GAS7: variants seen among roughly 807,000 people sequenced by gnomAD.
GAS7 encodes the protein growth arrest-specific protein 7.
Under a neutral mutation model 71.1 loss-of-function variants are expected in GAS7, and 28 were observed. The ratio of observed to expected loss-of-function variants is 0.39; its 90% CI spans 0.29 to 0.54. The LOEUF (loss-of-function observed/expected upper bound fraction) is 0.54, where lower values mean the gene tolerates loss of function less well. Ranked by LOEUF, GAS7 falls within the 20% of genes least tolerant of loss-of-function variation. The probability of loss-of-function intolerance (pLI) is 0.62; values close to 1 mark genes in which losing one functional copy is unlikely to be tolerated. For synonymous variants in GAS7, 258 were observed against 245.8 expected, an observed-to-expected ratio of 1.05 and a Z score of -0.46; for missense variants, 436 against 627.8, an observed-to-expected ratio of 0.69 and a Z score of 3.27.
intron 1 of GAS7, among the ~76,000 whole-genome samples, chr17:10,123,800 G>A (rs945710171): frequency 1.3e-5 from 2 of 152,224 alleles, no homozygotes; most frequent in African/African-American, 2.4e-5. Context: ...AAGAGGAGGG[G>A]CGCAGCAGAG....
At position 10,088,220 on chromosome 17, in the gene GAS7, C is replaced by CAATAATAATAATAATAATAAT. The variant is rs58029258; in HGVS notation, c.184-68344_184-68324dup. Among the ~76,000 whole-genome samples, 43 of 137,816 alleles carry CAATAATAATAATAATAATAAT rather than the reference C, an allele frequency of 3.1e-4. No individual in the cohort carries two copies. In the South Asian group the frequency reaches 3.6e-3, roughly 12 times the overall value. 90.4% of individuals were successfully genotyped at this position (137,816 alleles called of 152,430 possible). A position where few individuals can be genotyped will look rare whatever the true frequency, so the allele number is the denominator to read the frequency against. ...GGGGCAACAGAGCGAGACTCTATCTCAATAATAATAATAATAATAATAATA... is the reference window on the plus strand; with the variant it reads ...GGGGCAACAGAGCGAGACTCTATCTCAATAATAATAATAATAATAATAATAATAATAATAATAATAATAATA... On this transcript the variant is annotated intron_variant, in intron 1 of 13. Coordinates refer to ENST00000432992, the MANE Select transcript of GAS7 (RefSeq NM_201433.2).
At chr17:10,011,983 A>C (rs2071791202) in intron 2 of GAS7, among the ~76,000 whole-genome samples, 1 of 152,058 alleles carries the variant, frequency 6.6e-6, no homozygotes, top group Admixed American at 6.6e-5. Context: ...CTCAAAAAAA[A>C]AAAAAACAAA....
intron 2 of GAS7, among the ~76,000 whole-genome samples, chr17:10,009,120 A>C (rs2071653905): frequency 1.3e-5 from 2 of 151,916 alleles, no homozygotes; most frequent in South Asian, 2.1e-4. Flanking sequence ...GGAGATCGAG[A>C]CCATCCCGGC....
intron 1 of GAS7, among the ~76,000 whole-genome samples, chr17:10,046,691 A>G (rs1340611339): frequency 3.4e-5 from 5 of 148,568 alleles, no homozygotes; most frequent in Non-Finnish European, 5.9e-5. Flanking sequence ...AGCCGAGATC[A>G]CGCCACTGCA....
At chr17:10,036,802 A>G (rs2072762622) in intron 1 of GAS7, 1 of 1,068,006 alleles carries the variant, frequency 9.4e-7, no homozygotes, top group African/African-American at 1.6e-5. Flanking sequence ...TCAGCTAAAA[A>G]ACGTTGGCTG....
intron 1 of GAS7, among the ~76,000 whole-genome samples, chr17:10,040,709 C>G (rs2072847531): frequency 6.6e-6 from 1 of 152,096 alleles, no homozygotes. Context: ...GGTGGGGAGT[C>G]CCCCACCGGC....
At chr17:10,146,877 G>A (rs1000438002) in intron 1 of GAS7, among the ~76,000 whole-genome samples, 3 of 151,918 alleles carry the variant, frequency 2.0e-5, no homozygotes, top group Admixed American at 6.6e-5. Flanking sequence ...CCAGCTACTC[G>A]GGAGGCTGAG....
chr17:10,169,343 T>A (rs940581848), intron 1 of GAS7, among the ~76,000 whole-genome samples: 4 of 152,158 alleles, frequency 2.6e-5, no homozygotes, highest in South Asian at 2.1e-4. Context: ...AGACAGTACC[T>A]CCTTCCCTAA....
At chr17:10,126,694 G>A (rs1056361367) in intron 1 of GAS7, among the ~76,000 whole-genome samples, 6 of 152,152 alleles carry the variant, frequency 3.9e-5, no homozygotes, top group Admixed American at 3.3e-4. Context: ...CCCAGAATTC[G>A]GGGAAGCCAC....
chr17:9,936,669 C>G (rs571027588), intron 8 of GAS7, among the ~76,000 whole-genome samples: 1 of 152,158 alleles, frequency 6.6e-6, no homozygotes, highest in Admixed American at 6.5e-5. Context: ...TACAAATTCT[C>G]TCATTTGAAA....
At chr17:10,024,299 A>G (rs1337228920) in intron 1 of GAS7, among the ~76,000 whole-genome samples, 1 of 152,198 alleles carries the variant, frequency 6.6e-6, no homozygotes, top group Non-Finnish European at 1.5e-5. Flanking sequence ...CAGAGGACAC[A>G]GTGTGCATAA....
chr17:10,118,242 T>C (rs2073877411), intron 1 of GAS7, among the ~76,000 whole-genome samples: 1 of 152,158 alleles, frequency 6.6e-6, no homozygotes, highest in African/African-American at 2.4e-5. Flanking sequence ...GCCAGGTATT[T>C]TTCCGCTTCT....
intron 5 of GAS7, among the ~76,000 whole-genome samples, chr17:9,958,725 G>T (rs986627816): frequency 6.6e-6 from 1 of 152,172 alleles, no homozygotes; most frequent in African/African-American, 2.4e-5. Context: ...AGGCAGGCTG[G>T]CCACTCTAGG....
intron 1 of GAS7, among the ~76,000 whole-genome samples, chr17:10,086,539 T>A (rs902722015): frequency 6.6e-6 from 1 of 152,138 alleles, no homozygotes; most frequent in Non-Finnish European, 1.5e-5. Flanking sequence ...GTGACAGAGT[T>A]TGAGTGAAAG....
chr17:10,020,166 C>T, intron 1 of GAS7: 1 of 333,460 alleles, frequency 3.0e-6, no homozygotes, highest in Non-Finnish European at 5.6e-6. Flanking sequence ...GCTAATGGAG[C>T]TAGACTTTCT....
At chr17:10,079,728 C>T (rs1046777429) in intron 1 of GAS7, among the ~76,000 whole-genome samples, 9 of 152,194 alleles carry the variant, frequency 5.9e-5, no homozygotes, top group African/African-American at 1.9e-4. Flanking sequence ...ACCACCTTGG[C>T]CACATGTTCT....
At chr17:10,169,230 C>A (rs2074317260) in intron 1 of GAS7, among the ~76,000 whole-genome samples, 1 of 152,018 alleles carries the variant, frequency 6.6e-6, no homozygotes, top group South Asian at 2.1e-4. Context: ...CATGTCATTG[C>A]ACTCCAGCCT....
intron 1 of GAS7, among the ~76,000 whole-genome samples, chr17:10,183,224 C>G (rs2074429071): frequency 6.6e-6 from 1 of 152,010 alleles, no homozygotes; most frequent in Non-Finnish European, 1.5e-5. Context: ...GAATCTCAGG[C>G]CCCACCCCAG....
chr17:10,011,661 T>C (rs929117333), intron 2 of GAS7, among the ~76,000 whole-genome samples: 4 of 152,154 alleles, frequency 2.6e-5, no homozygotes, highest in African/African-American at 7.2e-5. Context: ...CTCTGCTTTA[T>C]AGTGGGGGAG....
Sources: gnomAD v4.1 joint callset for allele counts (sites outside exome capture counted in the v4.1 genomes callset) on GRCh38, gnomAD v4.1.1 for gene constraint, MANE v1.5 for transcripts, NCBI Gene and HGNC (gene_info 2026-07-23, HGNC 2026-07-21) for gene names.